Variants in SMO observed in about 807,000 individuals in gnomAD.
SMO encodes the protein protein smoothened.
In SMO, 40 loss-of-function variants were observed where a neutral mutation model predicts 81.6. That is an observed-to-expected ratio of 0.49 (90% CI 0.38 to 0.64). SMO has a LOEUF of 0.64. SMO is among the 30% of genes least tolerant of loss of function. SMO has a pLI of 0.00. For missense variants in SMO, 916 were observed against 1,061.1 expected (o/e 0.86, Z 1.90); for synonymous variants, 434 against 432.1 (o/e 1.00, Z -0.05).
chr7:129,207,724 C>G (rs913758212), intron 6 of SMO, among the ~76,000 whole-genome samples: 2 of 152,110 alleles, frequency 1.3e-5, no homozygotes, highest in Non-Finnish European at 2.9e-5. Flanking sequence ...GAAACCCCAT[C>G]TCTACAAAAA....
chr7:129,210,603 A>G lies in SMO; in HGVS notation c.1652+55A>G. The G allele has an allele frequency of 5.5e-6, 8 of 1,442,872 alleles. No homozygotes were observed. The highest frequency in any genetic ancestry group is 7.8e-6 in the Non-Finnish European group (8 of 1,031,090). 89.4% of individuals were successfully genotyped at this position (1,442,872 alleles called of 1,614,324 possible). A position where few individuals can be genotyped will look rare whatever the true frequency, so the allele number is the denominator to read the frequency against. On this transcript the variant is annotated intron_variant, in intron 9 of 11. Coordinates refer to ENST00000249373, the MANE Select transcript of SMO (RefSeq NM_005631.5). This position sits in a 1 kb window ranked among gnomAD's most constrained non-coding sequence, Gnocchi z 4.7. ...TGCCCGCCTCACCCTCAGCCTTGGG[A>G]CCCCATCTTTAGGTTTTGTCGGGTC... is the stretch of plus-strand genomic sequence containing the variant.
rs2150638765 is a variant in SMO, at chr7:129,189,663, T to C, written c.331+181T>C. On this transcript the variant is annotated intron_variant, in intron 1 of 11. Coordinates refer to ENST00000249373, the MANE Select transcript of SMO (RefSeq NM_005631.5). This position sits in a 1 kb window ranked among gnomAD's most constrained non-coding sequence, Gnocchi z 4.7. ...ACGTGCAGGATGGGACCCTCGGTCA[T>C]GGGAAAAGGAGGGCAAGGAAGTTGA... 6.6e-6 allele frequency among the ~76,000 whole-genome samples: 1 copy of C among 151,788 alleles called. No individual in the cohort carries two copies.
Position 129,206,838 on chromosome 7 carries a change from GT to G in SMO, c.1264+259del, listed in dbSNP as rs35143663. ...GGCCTTGGCCCAGGGCTCACAGCTTGTTTTTTTTGTTTGTTTTTGTTTTTGA... is the reference window on the plus strand; with the variant it reads ...GGCCTTGGCCCAGGGCTCACAGCTTGTTTTTTTGTTTGTTTTTGTTTTTGA... On this transcript the variant is annotated intron_variant, in intron 6 of 11. Coordinates refer to ENST00000249373, the MANE Select transcript of SMO (RefSeq NM_005631.5). The surrounding 1 kb of genome is among the most constrained non-coding windows in gnomAD (Gnocchi z 4.4). Among the ~76,000 whole-genome samples, 119,400 of 151,914 alleles carry G rather than the reference GT, an allele frequency of 0.79. 47,371 individuals are homozygous for G. The highest frequency in any genetic ancestry group is 0.88 in the Middle Eastern group (260 of 294).
chr7:129,209,170 G>A lies in SMO; in HGVS notation c.1358-119G>A, dbSNP rs1003477033. 10 of 660,054 alleles carry A rather than the reference G, an allele frequency of 1.5e-5. No individual in the cohort carries two copies. The South Asian group carries it at 1.8e-4, about 12-fold the overall frequency. 40.9% of individuals were successfully genotyped at this position (660,054 alleles called of 1,614,324 possible). A position where few individuals can be genotyped will look rare whatever the true frequency, so the allele number is the denominator to read the frequency against. On this transcript the variant is annotated intron_variant, in intron 7 of 11. Coordinates refer to ENST00000249373, the MANE Select transcript of SMO (RefSeq NM_005631.5). Reference sequence around the variant, plus strand: ...GCAGTTCTTGGACTGAGCCCAGCATGAGTTCACCCCAGCCCCAGCTGGGTG... The same window carrying A: ...GCAGTTCTTGGACTGAGCCCAGCATAAGTTCACCCCAGCCCCAGCTGGGTG...
chr7:129,194,523 C>T (rs1013681085), intron 1 of SMO, among the ~76,000 whole-genome samples: 4 of 152,242 alleles, frequency 2.6e-5, no homozygotes, highest in Non-Finnish European at 4.4e-5. Flanking sequence ...GAAGCTCCCT[C>T]TGTGTCTTGT....
chr7:129,209,031 G>T (rs1450408155), intron 7 of SMO, 180 bp downstream of exon 7: 1 of 620,208 alleles, frequency 1.6e-6, no homozygotes, highest in African/African-American at 1.8e-5. Flanking sequence ...GGGTCTACTC[G>T]GGGGGAAGAA....
rs2150654849 is a variant in SMO at position 129,211,096 on chromosome 7, C to T, written c.1784C>T (p.Ser595Phe). 6.2e-7 allele frequency: 1 copy of T among 1,610,094 alleles called. No homozygotes were observed. The highest frequency in any genetic ancestry group is 8.5e-7 in the Non-Finnish European group (1 of 1,177,888). The change falls in exon 10 of 12, where the codon TCC becomes TTC. Residue 595 changes from serine (S) to phenylalanine (F), a missense_variant. Physicochemically the swap from Ser to Phe is radical, Grantham distance 155. Coordinates refer to ENST00000249373, the MANE Select transcript of SMO (RefSeq NM_005631.5). The surrounding 1 kb of genome is among the most constrained non-coding windows in gnomAD (Gnocchi z 4.6). ...QELSFSMHTV[S>F]HDGPVAGLAF... ...CTGTCCTTCAGCATGCACACTGTGTCCCACGACGGGCCCGTGGGTGAGCCT... is the reference window on the plus strand; with the variant it reads ...CTGTCCTTCAGCATGCACACTGTGTTCCACGACGGGCCCGTGGGTGAGCCT...
At chr7:129,203,651 G>C in intron 2 of SMO, 62 bp downstream of exon 2, 1 of 1,307,540 alleles carries the variant, frequency 7.6e-7, no homozygotes, top group Non-Finnish European at 1.1e-6. Flanking sequence ...GTATAGGGCA[G>C]GGTCCAGTGG....
Position 129,208,644 on chromosome 7 carries a change from A to G in SMO, c.1265-115A>G. On this transcript the variant is annotated intron_variant, in intron 6 of 11. Transcript: ENST00000249373. This position sits in a 1 kb window ranked among gnomAD's most constrained non-coding sequence, Gnocchi z 5.2. ...CTAGCTCCCCAGGTTTTCATTTAGC[A>G]CAGGGGTAATCAGACTTGGGACTCC... 1.5e-6 allele frequency: 1 copy of G among 662,184 alleles called. No individual in the cohort carries two copies. Among genetic ancestry groups the G allele is most frequent in the Non-Finnish European group, 2.8e-6 (1 of 360,034 alleles). The allele number at this position is 662,184 out of a possible 1,614,324, so 41.0% of individuals were successfully genotyped here. A position where few individuals can be genotyped will look rare whatever the true frequency, so the allele number is the denominator to read the frequency against.
chr7:129,190,457 A>G (rs1364900349), intron 1 of SMO, among the ~76,000 whole-genome samples: 1 of 152,200 alleles, frequency 6.6e-6, no homozygotes, highest in East Asian at 1.9e-4. Context: ...TGATTCTAAA[A>G]CTGTCCTGGG....
chr7:129,197,034 A>AG (rs1793593951), intron 1 of SMO, among the ~76,000 whole-genome samples: 1 of 151,058 alleles, frequency 6.6e-6, no homozygotes, highest in African/African-American at 2.4e-5. Context: ...AAAAAAAAAA[A>AG]GAAATAAAAT....
chr7:129,201,111 A>G (rs1793661738), intron 1 of SMO, among the ~76,000 whole-genome samples: 1 of 151,832 alleles, frequency 6.6e-6, no homozygotes, highest in Non-Finnish European at 1.5e-5. Flanking sequence ...CAGTGGTGCC[A>G]TCTCCGCTTA....
chr7:129,191,582 T>C (rs1793482002), intron 1 of SMO, among the ~76,000 whole-genome samples: 1 of 152,052 alleles, frequency 6.6e-6, no homozygotes, highest in Admixed American at 6.6e-5. Flanking sequence ...AATGAGTAGG[T>C]AGAGTGAACC....
intron 2 of SMO, 144 bp from the exon 3 acceptor site, chr7:129,205,059 A>C: frequency 1.5e-6 from 1 of 676,800 alleles, no homozygotes. Flanking sequence ...AGAGAGGCCA[A>C]ATAATTTGCC....
rs560836526 is a variant in SMO, at chr7:129,208,006, T to C, written c.1265-753T>C. Among the ~76,000 whole-genome samples the C allele has an allele frequency of 4.0e-5, 6 of 151,766 alleles. No individual in the cohort carries two copies. Among genetic ancestry groups the C allele is most frequent in the Admixed American group, 1.3e-4 (2 of 15,170 alleles). ...CTTAGTGGGAAAAAAATGTAAAATA[T>C]CTCATTAATAATTTGTTACATGGAT... On this transcript the variant is annotated intron_variant, in intron 6 of 11. Coordinates refer to ENST00000249373, the MANE Select transcript of SMO (RefSeq NM_005631.5). This position sits in a 1 kb window ranked among gnomAD's most constrained non-coding sequence, Gnocchi z 5.2.
rs755992889 is a variant in SMO at position 129,203,576 on chromosome 7, C to T, written c.524C>T (p.Pro175Leu). 2 of 1,600,502 alleles carry T rather than the reference C, an allele frequency of 1.2e-6. No individual in the cohort carries two copies. The highest frequency in any genetic ancestry group is 2.2e-5 in the East Asian group (1 of 44,848). ...CTGCGCTGCACTCCTGACCGCTTCC[C>T]TGAAGGCTGCACGGTGAGTGCTCTG... Reference protein sequence around the residue: ...DFLRCTPDRFPEGCTNEVQNI... With the variant: ...DFLRCTPDRFLEGCTNEVQNI... The change falls in exon 2 of 12, where the codon CCT becomes CTT. Residue 175 changes from proline (P) to leucine (L), a missense_variant. Physicochemically the swap from Pro to Leu is moderately conservative, Grantham distance 98. Coordinates refer to ENST00000249373, the MANE Select transcript of SMO (RefSeq NM_005631.5).
chr7:129,196,720 A>G (rs1430989970), intron 1 of SMO, among the ~76,000 whole-genome samples: 1 of 152,152 alleles, frequency 6.6e-6, no homozygotes, highest in East Asian at 1.9e-4. Context: ...TGTTGCTGAC[A>G]TATAGAAATA....
rs572491044 is a variant in SMO at position 129,203,830 on chromosome 7, G to A, written c.537+241G>A. 3.9e-5 allele frequency among the ~76,000 whole-genome samples: 6 copies of A among 152,272 alleles called. No individual in the cohort carries two copies. The East Asian group carries it at 7.7e-4, about 20-fold the overall frequency. ...CAGCAAAATGTTTTGAGCACTGGCT[G>A]TTGGGTGTTGTGGTGTTACGGGCAT... On this transcript the variant is annotated intron_variant, in intron 2 of 11. Transcript: ENST00000249373.
chr7:129,200,145 G>A (rs969618105), intron 1 of SMO, among the ~76,000 whole-genome samples: 5 of 152,208 alleles, frequency 3.3e-5, no homozygotes, highest in African/African-American at 1.2e-4. Context: ...TTCCTGGCCA[G>A]GCGTGGTGGC....
Sources: gnomAD v4.1 joint callset for allele counts (sites outside exome capture counted in the v4.1 genomes callset) on GRCh38, gnomAD v4.1.1 for gene constraint, Gnocchi (gnomAD v3.1) non-coding constraint, MANE v1.5 for transcripts, NCBI Gene and HGNC (gene_info 2026-07-23, HGNC 2026-07-21) for gene names.